The following CFTR variants were observed in gnomAD, a reference collection of about 807,000 sequenced individuals.
The protein encoded by CFTR is cystic fibrosis transmembrane conductance regulator.
Under a neutral mutation model 171.6 loss-of-function variants are expected in CFTR, and 181 were observed. The ratio of observed to expected loss-of-function variants is 1.05; its 90% confidence interval spans 0.93 to 1.19. The LOEUF is 1.19. CFTR is among the 50% of genes most tolerant of loss of function. The pLI is 0.00. For missense variants in CFTR, 1,968 were observed against 1,734.7 expected, an observed-to-expected ratio of 1.13 and a Z score of -2.39; for synonymous variants, 583 against 608.0, an observed-to-expected ratio of 0.96 and a Z score of 0.60.
intron 7 of CFTR, among the ~76,000 whole-genome samples, chr7:117,537,652 C>T (rs1431454570): frequency 6.6e-6 from 1 of 152,258 alleles, no homozygotes; most frequent in East Asian, 1.9e-4. Flanking sequence ...AAAAGAAATG[C>T]TGAAATATTA....
intron 15 of CFTR, among the ~76,000 whole-genome samples, chr7:117,598,211 C>T (rs1392767125): frequency 6.6e-6 from 1 of 152,082 alleles, no homozygotes; most frequent in Non-Finnish European, 1.5e-5. Flanking sequence ...ACCATATGGG[C>T]ACAACAAAAC....
At chr7:117,607,350 G>T (rs1022853029) in intron 18 of CFTR, among the ~76,000 whole-genome samples, 2 of 152,172 alleles carry the variant, frequency 1.3e-5, no homozygotes, top group African/African-American at 4.8e-5. Flanking sequence ...TGGCTCAGAG[G>T]CTGACTCTTT....
At position 117,628,340 on chromosome 7, in the gene CFTR, C is replaced by T. The variant is rs888818200; in HGVS notation, c.3717+570C>T. ...CACTGGGCTGAACACATAGAAGGAA[C>T]TTAATATATACTGATTTCTGGAATT... On this transcript the variant is annotated intron_variant, in intron 22 of 26. Transcript: ENST00000003084. Among the ~76,000 whole-genome samples, 3 of 152,150 alleles carry T rather than the reference C, an allele frequency of 2.0e-5. No individual in the cohort carries two copies. The East Asian group carries it at 5.8e-4, about 29-fold the overall frequency.
chr7:117,625,011 A>C (rs899593742), intron 21 of CFTR, among the ~76,000 whole-genome samples: 10 of 152,296 alleles, frequency 6.6e-5, no homozygotes, highest in African/African-American at 2.2e-4. Flanking sequence ...GTAATTCATA[A>C]TGTTAGCTGT....
intron 18 of CFTR, among the ~76,000 whole-genome samples, chr7:117,609,388 A>T (rs1303905407): frequency 6.6e-6 from 1 of 152,154 alleles, no homozygotes; most frequent in Non-Finnish European, 1.5e-5. Context: ...TGTGTCACTT[A>T]TGGTAACGGG....
At chr7:117,606,468 T>G (rs1213429650) in intron 17 of CFTR, among the ~76,000 whole-genome samples, 2 of 152,190 alleles carry the variant, frequency 1.3e-5, no homozygotes, top group Admixed American at 1.3e-4. Context: ...TAAAAAGGTT[T>G]AAAAGTAAAA....
At chr7:117,547,461 A>G (rs1399881641) in intron 9 of CFTR, among the ~76,000 whole-genome samples, 1 of 152,024 alleles carries the variant, frequency 6.6e-6, no homozygotes, top group Non-Finnish European at 1.5e-5. Flanking sequence ...CTGTCAGGAA[A>G]AGTCTGACTT....
At chr7:117,556,383 A>G (rs1037594074) in intron 10 of CFTR, among the ~76,000 whole-genome samples, 5 of 151,972 alleles carry the variant, frequency 3.3e-5, no homozygotes, top group South Asian at 2.1e-4. Flanking sequence ...TTGTTACCCA[A>G]TAAAAAAAAT....
At chr7:117,642,346 C>T (rs1792928806) in intron 22 of CFTR, 92 bp from the exon 23 acceptor site, 8 of 1,237,092 alleles carry the variant, frequency 6.5e-6, no homozygotes, top group Non-Finnish European at 9.5e-6. Flanking sequence ...ATAAAATATT[C>T]CAATGGTTTT....
chr7:117,564,137 A>G (rs1018793244), intron 11 of CFTR, among the ~76,000 whole-genome samples: 1 of 152,134 alleles, frequency 6.6e-6, no homozygotes, highest in Non-Finnish European at 1.5e-5. Flanking sequence ...AGAGTTTTAA[A>G]CTCTTGTTGG....
At chr7:117,516,498 G>A (rs188942293) in intron 3 of CFTR, among the ~76,000 whole-genome samples, 1 of 152,190 alleles carries the variant, frequency 6.6e-6, no homozygotes, top group Admixed American at 6.5e-5. Flanking sequence ...TAATTTGCTA[G>A]GTCATGTTGA....
intron 24 of CFTR, among the ~76,000 whole-genome samples, chr7:117,658,311 A>T (rs1793213402): frequency 6.6e-6 from 1 of 152,180 alleles, no homozygotes; most frequent in Non-Finnish European, 1.5e-5. Flanking sequence ...TCAAGTTTAC[A>T]TGTAAAATGG....
At chr7:117,640,766 TTATC>T (rs550519556) in intron 22 of CFTR, among the ~76,000 whole-genome samples, 16 of 152,184 alleles carry the variant, frequency 1.1e-4, no homozygotes, top group Non-Finnish European at 1.8e-4. Context: ...AATTAGGAGT[TTATC>T]TAGCAATTGA....
chr7:117,488,252 G>T (rs1798104272), intron 1 of CFTR, among the ~76,000 whole-genome samples: 1 of 151,976 alleles, frequency 6.6e-6, no homozygotes, highest in Non-Finnish European at 1.5e-5. Context: ...TTTACATGTT[G>T]CAAAATATTC....
At chr7:117,603,848 G>C in intron 17 of CFTR, 66 bp downstream of exon 17, 1 of 1,575,370 alleles carries the variant, frequency 6.3e-7, no homozygotes, top group Non-Finnish European at 8.7e-7. Flanking sequence ...GGTTTTGTTG[G>C]TTTTCTAATG....
chr7:117,623,288 A>G (rs1181713869), intron 21 of CFTR, among the ~76,000 whole-genome samples: 1 of 152,230 alleles, frequency 6.6e-6, no homozygotes, highest in Non-Finnish European at 1.5e-5. Context: ...GGTGTTGGCT[A>G]TCATGAGACT....
chr7:117,603,380 C>T, intron 16 of CFTR, 152 bp from the exon 17 acceptor site: 2 of 747,052 alleles, frequency 2.7e-6, no homozygotes, highest in South Asian at 1.7e-5. Flanking sequence ...TATTTTCTTG[C>T]AATAATAGTA....
chr7:117,650,078 A>G (rs1021794222), intron 23 of CFTR, among the ~76,000 whole-genome samples: 1 of 152,136 alleles, frequency 6.6e-6, no homozygotes, highest in African/African-American at 2.4e-5. Context: ...AGGAGGGGCT[A>G]AACCATGTAG....
rs572943253 is a variant in CFTR, at chr7:117,538,863, G to C, written c.870-1237G>C. On this transcript the variant is annotated intron_variant, in intron 7 of 26. Coordinates refer to ENST00000003084, the MANE Select transcript of CFTR (RefSeq NM_000492.4). The stretch of plus-strand genomic sequence containing the variant: ...GGTAAACATTAGACCTAAATAGACG[G>C]AATTGCAATCCGGGTTGGGCACATT... Among the ~76,000 whole-genome samples the C allele has an allele frequency of 3.3e-4, 50 of 152,314 alleles. No homozygotes were observed. The South Asian group carries it at 0.01, about 31-fold the overall frequency.
Sources: allele counts gnomAD v4.1 joint callset (sites outside exome capture counted in the v4.1 genomes callset), GRCh38; gene constraint gnomAD v4.1.1; transcripts MANE v1.5; gene names NCBI Gene and HGNC (gene_info 2026-07-23, HGNC 2026-07-21).